Variants in CCSER1 observed in about 807,000 individuals in gnomAD.
CCSER1 encodes coiled-coil serine rich protein 1.
Under a neutral mutation model 82.0 loss-of-function variants are expected in CCSER1, and 41 were observed. The observed-to-expected ratio is 0.50, with a 90% confidence interval of 0.39 to 0.65. CCSER1 has a LOEUF of 0.65. Ranked by LOEUF, CCSER1 falls within the 30% of genes least tolerant of loss-of-function variation. CCSER1 has a pLI of 0.00. For synonymous variants in CCSER1, 414 were observed against 383.9 expected, an observed-to-expected ratio of 1.08 and a Z score of -0.92; for missense variants, 1,119 against 1,064.2, an observed-to-expected ratio of 1.05 and a Z score of -0.72.
intron 9 of CCSER1, among the ~76,000 whole-genome samples, chr4:91,020,448 G>C (rs1317062414): frequency 6.6e-6 from 1 of 152,144 alleles, no homozygotes; most frequent in African/African-American, 2.4e-5. Flanking sequence ...GGATCACGAG[G>C]TCAGGAGATT....
At chr4:91,208,265 C>T (rs768863263) in intron 10 of CCSER1, among the ~76,000 whole-genome samples, 10 of 151,790 alleles carry the variant, frequency 6.6e-5, no homozygotes, top group Admixed American at 2.0e-4. Flanking sequence ...CTTTTGTTGA[C>T]GATTGCTTTT....
intron 7 of CCSER1, among the ~76,000 whole-genome samples, chr4:90,787,236 A>G (rs1754634766): frequency 1.3e-5 from 2 of 152,168 alleles, no homozygotes; most frequent in South Asian, 4.1e-4. Context: ...CAATTAGAAA[A>G]GCAGGGGAAG....
chr4:91,031,162 C>T (rs6819554), intron 9 of CCSER1, among the ~76,000 whole-genome samples: 87,418 of 151,998 alleles, frequency 0.58, 25,943 homozygotes, highest in African/African-American at 0.72. Flanking sequence ...CAAAATAAGT[C>T]GGACTATTAC....
intron 6 of CCSER1, among the ~76,000 whole-genome samples, chr4:90,722,638 A>G (rs1409931245): frequency 1.3e-5 from 2 of 151,828 alleles, no homozygotes; most frequent in Non-Finnish European, 3.0e-5. Context: ...ATTTTTACCT[A>G]ATTTCCTTCT....
chr4:91,469,104 A>G (rs1296618498), intron 10 of CCSER1, among the ~76,000 whole-genome samples: 1 of 152,216 alleles, frequency 6.6e-6, no homozygotes, highest in Non-Finnish European at 1.5e-5. Context: ...TTTATCTAAT[A>G]TACCAAATCT....
intron 4 of CCSER1, among the ~76,000 whole-genome samples, chr4:90,459,037 ATTATATATG>A (rs1220806411): frequency 6.6e-6 from 1 of 152,140 alleles, no homozygotes; most frequent in Non-Finnish European, 1.5e-5. Context: ...TATAGTATAT[ATTATATATG>A]TTATATATGC....
chr4:90,574,642 C>A (rs552331004), intron 5 of CCSER1, among the ~76,000 whole-genome samples: 57 of 151,772 alleles, frequency 3.8e-4, no homozygotes, highest in Admixed American at 9.2e-4. Flanking sequence ...CATCTGCTTT[C>A]TTCCCTACTG....
At chr4:91,529,522 C>T (rs918663245) in intron 10 of CCSER1, among the ~76,000 whole-genome samples, 26 of 152,004 alleles carry the variant, frequency 1.7e-4, no homozygotes, top group Non-Finnish European at 5.9e-5. Flanking sequence ...ACTGTCTTCA[C>T]CTTATTTGTT....
chr4:91,148,899 G>A, intron 10 of CCSER1, among the ~76,000 whole-genome samples: 1 of 152,138 alleles, frequency 6.6e-6, no homozygotes. Flanking sequence ...GGACATTTGG[G>A]TTGGTTCCAA....
intron 8 of CCSER1, among the ~76,000 whole-genome samples, chr4:90,853,103 AAAAAAC>A (rs1272523907): frequency 2.6e-5 from 4 of 152,152 alleles, no homozygotes; most frequent in African/African-American, 9.7e-5. Flanking sequence ...CAACCACAAA[AAAAAAC>A]AAAAACAAAC....
At chr4:90,303,903 C>A (rs1026885244) in intron 1 of CCSER1, among the ~76,000 whole-genome samples, 128 of 151,992 alleles carry the variant, frequency 8.4e-4, no homozygotes, top group Middle Eastern at 3.4e-3. Context: ...ACCTACTCAT[C>A]TGACAAAGGG....
intron 7 of CCSER1, among the ~76,000 whole-genome samples, chr4:90,775,279 T>C (rs565423771): frequency 3.9e-5 from 6 of 152,328 alleles, no homozygotes; most frequent in African/African-American, 1.4e-4. Flanking sequence ...TGTCAAAGTA[T>C]AATAATAATT....
chr4:90,971,113 A>T (rs1053458241), intron 9 of CCSER1, among the ~76,000 whole-genome samples: 1 of 151,928 alleles, frequency 6.6e-6, no homozygotes, highest in African/African-American at 2.4e-5. Flanking sequence ...AAAAAGATCA[A>T]CAAAATGGTA....
chr4:90,834,299 A>C, intron 8 of CCSER1, among the ~76,000 whole-genome samples: 1 of 152,192 alleles, frequency 6.6e-6, no homozygotes, highest in African/African-American at 2.4e-5. Context: ...ACTTTTTAAA[A>C]GTTATTAGGA....
At chr4:91,544,020 T>C (rs1004387589) in intron 10 of CCSER1, among the ~76,000 whole-genome samples, 7 of 152,170 alleles carry the variant, frequency 4.6e-5, no homozygotes, top group Non-Finnish European at 8.8e-5. Context: ...TTTTTTTCTC[T>C]AAACTTCTCT....
chr4:90,475,770 G>C (rs1386731713), intron 5 of CCSER1, among the ~76,000 whole-genome samples: 1 of 152,160 alleles, frequency 6.6e-6, no homozygotes, highest in Admixed American at 6.5e-5. Flanking sequence ...CCCATGACTA[G>C]GGAACTACAG....
At chr4:90,463,529 G>C (rs191508807) in intron 4 of CCSER1, among the ~76,000 whole-genome samples, 36 of 152,264 alleles carry the variant, frequency 2.4e-4, no homozygotes, top group Admixed American at 2.2e-3. Flanking sequence ...TCATTTAAAT[G>C]TTTGTTAAAT....
intron 10 of CCSER1, among the ~76,000 whole-genome samples, chr4:91,302,994 C>A (rs1744788650): frequency 6.6e-6 from 1 of 151,950 alleles, no homozygotes; most frequent in African/African-American, 2.4e-5. Flanking sequence ...ATATTCAATG[C>A]CACAAGAGTG....
intron 10 of CCSER1, among the ~76,000 whole-genome samples, chr4:91,164,030 G>A (rs1731750825): frequency 6.6e-6 from 1 of 152,120 alleles, no homozygotes; most frequent in Non-Finnish European, 1.5e-5. Flanking sequence ...AGCATCGATG[G>A]CCTTTACCTT....
Sources: gnomAD v4.1 joint callset for allele counts (sites outside exome capture counted in the v4.1 genomes callset) on GRCh38, gnomAD v4.1.1 for gene constraint, MANE v1.5 for transcripts, NCBI Gene and HGNC (gene_info 2026-07-23, HGNC 2026-07-21) for gene names.